The following RFC1 variants were observed in gnomAD, a reference collection of about 807,000 sequenced individuals.
The protein encoded by RFC1 is replication factor C subunit 1, also known as A1 140 kDa subunit.
A neutral mutation model predicts 137.4 loss-of-function variants in RFC1; 37 were observed. The observed-to-expected ratio is 0.27, with a 90% CI of 0.21 to 0.35. The LOEUF is 0.35. RFC1 is among the 10% of genes least tolerant of loss of function. The pLI is 1.00. For synonymous variants in RFC1, 429 were observed against 455.7 expected, an observed-to-expected ratio of 0.94 and a Z score of 0.75; for missense variants, 1,205 against 1,358.5, an observed-to-expected ratio of 0.89 and a Z score of 1.78.
In RFC1 at chr4:39,304,433, C is replaced by T. The variant is rs375728907; in HGVS notation, c.2110+381G>A. 2.6e-5 allele frequency among the ~76,000 whole-genome samples: 4 copies of T among 152,316 alleles called. No homozygotes were observed. The East Asian group carries it at 5.8e-4, about 22-fold the overall frequency. On this transcript the variant is annotated intron_variant, in intron 15 of 24. Transcript: ENST00000349703. ...ACTTCTTCATCTGCTGGCCTTATTA[C>T]CTCACTCTGTATTACATACTTTATT... is the stretch of plus-strand genomic sequence containing the variant.
intron 23 of RFC1, among the ~76,000 whole-genome samples, chr4:39,290,603 C>T (rs1486306157): frequency 2.0e-5 from 3 of 151,912 alleles, no homozygotes; most frequent in Admixed American, 1.3e-4. Flanking sequence ...TCACATGAGG[C>T]CAGGAGTTTG....
chr4:39,331,009 C>T (rs1001542968), intron 4 of RFC1, among the ~76,000 whole-genome samples: 2 of 152,104 alleles, frequency 1.3e-5, no homozygotes, highest in Non-Finnish European at 2.9e-5. Flanking sequence ...GGCTAGGTAA[C>T]ATCACCATTC....
In RFC1 at chr4:39,323,394, A is replaced by G; in HGVS notation, c.666T>C (p.Asp222=). 2 of 1,614,056 alleles carry G rather than the reference A, an allele frequency of 1.2e-6. No homozygotes were observed. Among genetic ancestry groups the G allele is most frequent in the Non-Finnish European group, 1.7e-6 (2 of 1,179,968 alleles). The change falls in exon 7 of 25, where the codon GAT becomes GAC. Residue 222 remains aspartate, a synonymous_variant. Transcript: ENST00000349703. ...DAELERQLHE[D]EEFARTLAML... ...TGGCTAATGTTCTGGCAAACTCTTC[A>G]TCTTCATGCAACTGCCTCTCCAGCT...
chr4:39,342,102 G>C (rs1428298682), intron 4 of RFC1, among the ~76,000 whole-genome samples: 1 of 152,148 alleles, frequency 6.6e-6, no homozygotes, highest in Non-Finnish European at 1.5e-5. Flanking sequence ...TCAAGATTAA[G>C]CTTCAACTTA....
At chr4:39,306,858 C>A (rs1738695072) in intron 13 of RFC1, among the ~76,000 whole-genome samples, 157 bp from the exon 14 acceptor site, 1 of 152,182 alleles carries the variant, frequency 6.6e-6, no homozygotes, top group Non-Finnish European at 1.5e-5. Context: ...AAACAAGTTT[C>A]CAGAGCATTC....
Position 39,320,430 on chromosome 4 carries a change from C to T in RFC1, c.1048G>A (p.Glu350Lys). ...RKENAIKLKG[E>K]TKTPKKTKSS... ...TTGGTTTTCTTAGGAGTTTTTGTCT[C>T]TCCTTTCAATTTAATGGCATTTTCT... Residue 350 changes from glutamate (E) to lysine (K), a missense_variant, in exon 9 of 25, where the codon GAG becomes AAG. Coordinates refer to ENST00000349703, the MANE Select transcript of RFC1 (RefSeq NM_002913.5). 1.3e-6 allele frequency: 2 copies of T among 1,553,468 alleles called. No homozygotes were observed. Among genetic ancestry groups the T allele is most frequent in the South Asian group, 1.2e-5 (1 of 81,152 alleles).
chr4:39,359,754 G>A (rs534641973), intron 1 of RFC1, among the ~76,000 whole-genome samples: 4 of 151,740 alleles, frequency 2.6e-5, no homozygotes, highest in South Asian at 2.1e-4. Context: ...CCCGGGAGGC[G>A]GACCTTGCAG....
intron 13 of RFC1, among the ~76,000 whole-genome samples, chr4:39,308,116 G>A (rs1177691678): frequency 6.6e-6 from 1 of 152,210 alleles, no homozygotes; most frequent in African/African-American, 2.4e-5. Flanking sequence ...AGTTTAGGCT[G>A]ACTGCCCTGC....
At position 39,306,635 on chromosome 4, in the gene RFC1, G is replaced by A. The variant is rs1210803086; in HGVS notation, c.1952C>T (p.Pro651Leu). The A allele has an allele frequency of 1.9e-6, 3 of 1,613,490 alleles. No individual in the cohort carries two copies. Among genetic ancestry groups the A allele is most frequent in the Admixed American group, 3.3e-5 (2 of 60,018 alleles). ...SSFKAALLSGPPGVGKTTTAS... is the reference protein window; with the variant it reads ...SSFKAALLSGLPGVGKTTTAS... ...TGTGGTGGTTTTGCCAACACCAGGA[G>A]GGCCTGACAGCAACGCTGCTTTAAA... is the stretch of plus-strand genomic sequence containing the variant. Residue 651 changes from proline to leucine, a missense_variant, in exon 14 of 25, where the codon CCT becomes CTT. By Grantham distance (98) the Pro-to-Leu change is moderately conservative. Transcript: ENST00000349703.
At chr4:39,351,759 C>T (rs1304524641) in intron 1 of RFC1, among the ~76,000 whole-genome samples, 3 of 151,934 alleles carry the variant, frequency 2.0e-5, no homozygotes, top group Admixed American at 2.0e-4. Context: ...GTCAGGAGTT[C>T]GAGACCAGCC....
chr4:39,345,564 AG>A (rs1163504862), intron 2 of RFC1, 88 bp from the exon 3 acceptor site: 69 of 1,070,352 alleles, frequency 6.4e-5, no homozygotes, highest in Non-Finnish European at 6.7e-6. Flanking sequence ...TCTGTCATCC[AG>A]GCTGGAGCGC....
intron 1 of RFC1, among the ~76,000 whole-genome samples, chr4:39,362,127 C>G (rs1560628785): frequency 6.6e-6 from 1 of 152,096 alleles, no homozygotes; most frequent in East Asian, 1.9e-4. Context: ...AAAACTCACA[C>G]TGTGAAAAAC....
Position 39,325,230 on chromosome 4 carries a change from C to G in RFC1, c.642+1333G>C, listed in dbSNP as rs188555431. On this transcript the variant is annotated intron_variant, in intron 6 of 24. Coordinates refer to ENST00000349703, the MANE Select transcript of RFC1 (RefSeq NM_002913.5). ...CTCCCCTGAGTTCCTGACTCTTCTA[C>G]CCAACCACCTACTCTGCCTTTCCAT... Among the ~76,000 whole-genome samples the G allele has an allele frequency of 6.1e-4, 93 of 152,318 alleles. 1 individual carries two copies. The highest frequency in any genetic ancestry group is 7.9e-4 in the Non-Finnish European group (54 of 68,032).
At chr4:39,298,364 T>C (rs765482332) in intron 21 of RFC1, among the ~76,000 whole-genome samples, 55 of 152,062 alleles carry the variant, frequency 3.6e-4, no homozygotes, top group Non-Finnish European at 6.3e-4. Flanking sequence ...ATTTTGTTTC[T>C]TGTTTTCAAG....
chr4:39,292,683 C>G (rs17335528), intron 22 of RFC1, among the ~76,000 whole-genome samples: 4 of 151,248 alleles, frequency 2.6e-5, no homozygotes, highest in Middle Eastern at 6.8e-3. Flanking sequence ...CTCTTGTTGC[C>G]CAGGCTGGTG....
chr4:39,319,768 C>G lies in RFC1; in HGVS notation c.1095+615G>C, dbSNP rs17334992. 3.0e-3 allele frequency among the ~76,000 whole-genome samples: 456 copies of G among 152,196 alleles called. 3 individuals are homozygous for G. The highest frequency in any genetic ancestry group is 0.01 in the African/African-American group (429 of 41,512). On this transcript the variant is annotated intron_variant, in intron 9 of 24. Transcript: ENST00000349703. ...CAAACTATATATATACTTACATGTA[C>G]TGTTTTTTCTATCTAATAACCAAGC...
intron 4 of RFC1, among the ~76,000 whole-genome samples, chr4:39,334,157 A>T (rs1412071240): frequency 2.0e-5 from 3 of 152,056 alleles, no homozygotes; most frequent in African/African-American, 4.8e-5. Flanking sequence ...GAATAACATT[A>T]AAAAAAGCAA....
At chr4:39,360,211 C>T (rs1365681427) in intron 1 of RFC1, among the ~76,000 whole-genome samples, 1 of 151,636 alleles carries the variant, frequency 6.6e-6, no homozygotes, top group Non-Finnish European at 1.5e-5. Flanking sequence ...ACTAAAAATA[C>T]AAAAATCGGC....
chr4:39,345,324 G>T, intron 3 of RFC1, 77 bp downstream of exon 3: 1 of 1,286,530 alleles, frequency 7.8e-7, no homozygotes, highest in Non-Finnish European at 1.1e-6. Flanking sequence ...CCCATCCTTA[G>T]AACATAGTTT....
Sources: allele counts gnomAD v4.1 joint callset (sites outside exome capture counted in the v4.1 genomes callset), GRCh38; gene constraint gnomAD v4.1.1; transcripts MANE v1.5; gene names NCBI Gene and HGNC (gene_info 2026-07-23, HGNC 2026-07-21).